Variants in CEP63 observed in about 807,000 individuals in gnomAD.
CEP63 encodes the protein centrosomal protein of 63 kDa.
Under a neutral mutation model 89.1 loss-of-function variants are expected in CEP63, and 84 were observed. The observed-to-expected ratio is 0.94, with a 90% CI of 0.79 to 1.13. CEP63 has a LOEUF of 1.13. Among genes scored for constraint, CEP63 ranks in the 50% most tolerant of loss-of-function variants. CEP63 has a pLI of 0.00. For missense variants in CEP63, 838 were observed against 813.3 expected, an observed-to-expected ratio of 1.03 and a Z score of -0.37; for synonymous variants, 267 against 272.5, an observed-to-expected ratio of 0.98 and a Z score of 0.20.
At chr3:134,518,838 A>G (rs921590047) in intron 3 of CEP63, among the ~76,000 whole-genome samples, 4 of 152,116 alleles carry the variant, frequency 2.6e-5, no homozygotes, top group African/African-American at 9.7e-5. Flanking sequence ...ATAGGAAACA[A>G]ATGTATAAGA....
At chr3:134,549,197 G>A (rs779893406) in intron 10 of CEP63, 21 bp downstream of exon 10, 8 of 1,435,422 alleles carry the variant, frequency 5.6e-6, no homozygotes, top group Admixed American at 5.0e-5. Context: ...GCATACCTAG[G>A]ATTGCAAAAT....
chr3:134,627,039 A>G, the CEP63 span, among the ~76,000 whole-genome samples: 4 of 152,202 alleles, frequency 2.6e-5, no homozygotes, highest in Non-Finnish European at 4.4e-5. Context: ...ATTTAGAATA[A>G]AGGTGGCATT....
the CEP63 span, among the ~76,000 whole-genome samples, chr3:134,658,689 C>G: frequency 6.6e-6 from 1 of 152,280 alleles, no homozygotes; most frequent in African/African-American, 2.4e-5. Context: ...CACAGACCTA[C>G]AGGGAACGAA....
chr3:134,512,432 T>G (rs1945194480), intron 3 of CEP63, among the ~76,000 whole-genome samples: 1 of 152,246 alleles, frequency 6.6e-6, no homozygotes, highest in South Asian at 2.1e-4. Flanking sequence ...CTGCCTCTTT[T>G]CAGCTGAATG....
the CEP63 span, among the ~76,000 whole-genome samples, chr3:134,730,051 T>A: frequency 1.6e-4 from 25 of 152,178 alleles, no homozygotes; most frequent in Non-Finnish European, 5.9e-5. Context: ...GGTCAGGGAC[T>A]TGCAAGGAAG....
intron 3 of CEP63, among the ~76,000 whole-genome samples, chr3:134,518,981 A>T (rs1946832858): frequency 6.6e-6 from 1 of 152,134 alleles, no homozygotes; most frequent in South Asian, 2.1e-4. Context: ...GCCTCTGAAT[A>T]GTAAAGGGGT....
At chr3:134,762,739 C>A in the CEP63 span, among the ~76,000 whole-genome samples, 1 of 152,212 alleles carries the variant, frequency 6.6e-6, no homozygotes, top group Non-Finnish European at 1.5e-5. Context: ...GCCTCCAGAA[C>A]TGCCAGACAA....
At chr3:134,635,770 C>T in the CEP63 span, among the ~76,000 whole-genome samples, 1 of 152,048 alleles carries the variant, frequency 6.6e-6, no homozygotes, top group African/African-American at 2.4e-5. Context: ...ATACCAACCA[C>T]ACACAAAAAA....
chr3:134,677,467 T>C, the CEP63 span, among the ~76,000 whole-genome samples: 1,100 of 152,248 alleles, frequency 7.2e-3, 11 homozygotes, highest in African/African-American at 0.025. Flanking sequence ...CATGGTCCTC[T>C]TGTGCTTGTC....
the CEP63 span, among the ~76,000 whole-genome samples, chr3:134,763,090 T>A: frequency 8.5e-5 from 13 of 152,098 alleles, no homozygotes; most frequent in African/African-American, 2.4e-4. Context: ...CTCTTTTTTT[T>A]AAATTATACT....
intron 3 of CEP63, among the ~76,000 whole-genome samples, chr3:134,529,169 A>G (rs943499388): frequency 1.3e-5 from 2 of 152,148 alleles, no homozygotes; most frequent in African/African-American, 4.8e-5. Context: ...TTTTATATCG[A>G]TATGTCTTTT....
At chr3:134,643,139 C>T in the CEP63 span, among the ~76,000 whole-genome samples, 1 of 151,964 alleles carries the variant, frequency 6.6e-6, no homozygotes, top group South Asian at 2.1e-4. Context: ...ACTGTGCAGC[C>T]TCTTGCTGCT....
At chr3:134,503,659 A>G (rs890994475) in intron 2 of CEP63, among the ~76,000 whole-genome samples, 1 of 152,034 alleles carries the variant, frequency 6.6e-6, no homozygotes, top group Non-Finnish European at 1.5e-5. Context: ...AGCTCTAATA[A>G]TATTTGCTTC....
At chr3:134,671,114 T>C in the CEP63 span, among the ~76,000 whole-genome samples, 5 of 152,192 alleles carry the variant, frequency 3.3e-5, no homozygotes, top group African/African-American at 1.2e-4. Flanking sequence ...TCAATACATG[T>C]GTCATATTTA....
chr3:134,728,418 A>T, the CEP63 span, among the ~76,000 whole-genome samples: 1 of 152,246 alleles, frequency 6.6e-6, no homozygotes, highest in East Asian at 1.9e-4. Flanking sequence ...TATAGGAATG[A>T]CTGTGCTAGC....
chr3:134,557,283 A>G (rs1956362006), intron 12 of CEP63, among the ~76,000 whole-genome samples: 2 of 151,882 alleles, frequency 1.3e-5, no homozygotes, highest in South Asian at 4.2e-4. Flanking sequence ...CTACTTGTAC[A>G]CAGATAGTTC....
the CEP63 span, among the ~76,000 whole-genome samples, chr3:134,681,786 C>G: frequency 6.6e-6 from 1 of 152,222 alleles, no homozygotes; most frequent in Non-Finnish European, 1.5e-5. Flanking sequence ...GCAGGCATTT[C>G]ACGTGGATGA....
the CEP63 span, among the ~76,000 whole-genome samples, chr3:134,690,341 T>A: frequency 6.6e-6 from 1 of 152,348 alleles, no homozygotes; most frequent in African/African-American, 2.4e-5. Context: ...GTCAAGTTGT[T>A]ATGGAAGTTT....
chr3:134,541,382 A>G (rs1951958067), intron 6 of CEP63, among the ~76,000 whole-genome samples: 2 of 152,104 alleles, frequency 1.3e-5, no homozygotes, highest in Admixed American at 6.5e-5. Flanking sequence ...ACTTTAGTGT[A>G]AGGTATTTGA....
Sources: allele counts gnomAD v4.1 joint callset (sites outside exome capture counted in the v4.1 genomes callset), GRCh38; gene constraint gnomAD v4.1.1; transcripts MANE v1.5; gene names NCBI Gene and HGNC (gene_info 2026-07-23, HGNC 2026-07-21).